The following ATRNL1 variants were observed in gnomAD, a reference collection of about 807,000 sequenced individuals.
The protein encoded by ATRNL1 is attractin-like protein 1.
Under a neutral mutation model 182.7 loss-of-function variants are expected in ATRNL1, and 95 were observed. The ratio of observed to expected loss-of-function variants is 0.52; its 90% confidence interval spans 0.44 to 0.62. The LOEUF (loss-of-function observed/expected upper bound fraction) is 0.62, where lower values mean the gene tolerates loss of function less well. ATRNL1 is among the 20% of genes least tolerant of loss of function. ATRNL1 has a pLI of 0.00. For missense variants in ATRNL1, 1,471 were observed against 1,679.5 expected, an observed-to-expected ratio of 0.88 and a Z score of 2.17; for synonymous variants, 576 against 568.3, an observed-to-expected ratio of 1.01 and a Z score of -0.19.
At chr10:115,473,537 T>G (rs1010272110) in intron 24 of ATRNL1, among the ~76,000 whole-genome samples, 2 of 151,262 alleles carry the variant, frequency 1.3e-5, no homozygotes, top group Non-Finnish European at 3.0e-5. Flanking sequence ...TTGATTTTCT[T>G]TTCTTGTAGT....
intron 25 of ATRNL1, among the ~76,000 whole-genome samples, chr10:115,537,708 T>TTTGTTTGTTTG (rs1208629687): frequency 3.3e-5 from 5 of 152,022 alleles, no homozygotes; most frequent in African/African-American, 9.7e-5. Context: ...TTATTGTTTG[T>TTTGTTTGTTTG]TTTTTACTTC....
chr10:115,270,563 G>A (rs1851817304), intron 13 of ATRNL1, among the ~76,000 whole-genome samples: 1 of 151,738 alleles, frequency 6.6e-6, no homozygotes, highest in Non-Finnish European at 1.5e-5. Flanking sequence ...GAAAGTTGAT[G>A]ATGTAAATTC....
chr10:115,234,399 A>G (rs79185989), intron 9 of ATRNL1, among the ~76,000 whole-genome samples: 7,952 of 152,008 alleles, frequency 0.052, 652 homozygotes, highest in African/African-American at 0.18. Context: ...AGTTGCTTAC[A>G]TGATGCCCTC....
chr10:115,408,035 C>T (rs1203779911), intron 20 of ATRNL1, among the ~76,000 whole-genome samples: 71 of 126,306 alleles, frequency 5.6e-4, no homozygotes, highest in African/African-American at 2.0e-3. Flanking sequence ...CTCGCTCTGT[C>T]GCCCAGGCCG....
intron 27 of ATRNL1, among the ~76,000 whole-genome samples, chr10:115,819,163 T>G (rs910778963): frequency 1.3e-5 from 2 of 152,084 alleles, no homozygotes; most frequent in Admixed American, 6.6e-5. Flanking sequence ...ACACTCCATA[T>G]GCCTGTGATG....
chr10:115,514,995 T>G (rs1850566651), intron 24 of ATRNL1, among the ~76,000 whole-genome samples: 1 of 151,922 alleles, frequency 6.6e-6, no homozygotes, highest in African/African-American at 2.4e-5. Context: ...GGAATAGAGA[T>G]TTGACTGGTT....
intron 19 of ATRNL1, among the ~76,000 whole-genome samples, chr10:115,351,993 C>A (rs1364441186): frequency 6.6e-6 from 1 of 152,088 alleles, no homozygotes; most frequent in East Asian, 1.9e-4. Context: ...TGTTTCATAA[C>A]TTGCTATTGG....
intron 26 of ATRNL1, among the ~76,000 whole-genome samples, chr10:115,565,039 A>G (rs1245214571): frequency 6.6e-6 from 1 of 151,954 alleles, no homozygotes; most frequent in African/African-American, 2.4e-5. Context: ...ATTTATTTCT[A>G]CAGTGGAGCA....
chr10:115,792,623 G>A (rs1555081996), intron 27 of ATRNL1, among the ~76,000 whole-genome samples: 1 of 152,002 alleles, frequency 6.6e-6, no homozygotes, highest in Non-Finnish European at 1.5e-5. Context: ...AAGTTGTGGA[G>A]CAGTAAATTA....
intron 19 of ATRNL1, among the ~76,000 whole-genome samples, chr10:115,355,656 A>G (rs1490180914): frequency 1.3e-5 from 2 of 152,038 alleles, no homozygotes; most frequent in African/African-American, 2.4e-5. Context: ...AAAAATTCCA[A>G]TCCTATATAA....
rs1240605076 is a variant in ATRNL1, at chr10:115,093,370, G to GCGCGGGC, written c.-373_-367dup. ...GCGGCGCTCGGAGCCGAGGCAGTTG[G>GCGCGGGC]CGCGGGCCGCGGGCGAGGCGGGGCC... On this transcript the variant is annotated 5_prime_UTR_variant, in exon 1 of 29. Coordinates refer to ENST00000355044, the MANE Select transcript of ATRNL1 (RefSeq NM_207303.4). The surrounding 1 kb of genome is among the most constrained non-coding windows in gnomAD (Gnocchi z 6.1). 4.3e-5 allele frequency: 7 copies of GCGCGGGC among 162,386 alleles called. No homozygotes were observed. The highest frequency in any genetic ancestry group is 9.1e-5 in the Non-Finnish European group (7 of 76,858). The allele number at this position is 162,386 out of a possible 1,614,324, so 10.1% of individuals were successfully genotyped here. A position where few individuals can be genotyped will look rare whatever the true frequency, so the allele number is the denominator to read the frequency against.
At chr10:115,396,769 C>T (rs961907321) in intron 20 of ATRNL1, among the ~76,000 whole-genome samples, 2 of 151,738 alleles carry the variant, frequency 1.3e-5, no homozygotes, top group African/African-American at 2.4e-5. Context: ...TTCTTTGATA[C>T]AGTATTGCAG....
intron 28 of ATRNL1, among the ~76,000 whole-genome samples, chr10:115,911,514 T>G (rs1454862928): frequency 6.6e-6 from 1 of 152,024 alleles, no homozygotes; most frequent in Non-Finnish European, 1.5e-5. Context: ...AGATAGGATT[T>G]CACCATGTTG....
chr10:115,369,669 T>A (rs556857743), intron 19 of ATRNL1, among the ~76,000 whole-genome samples: 2 of 152,188 alleles, frequency 1.3e-5, no homozygotes, highest in African/African-American at 4.8e-5. Context: ...CATAATGGCC[T>A]TATTAATTTA....
chr10:115,827,206 C>G (rs575157399), intron 27 of ATRNL1, among the ~76,000 whole-genome samples: 1 of 152,058 alleles, frequency 6.6e-6, no homozygotes, highest in African/African-American at 2.4e-5. Flanking sequence ...TCTGAAAGTC[C>G]GACAGCATTG....
At chr10:115,452,568 A>G (rs931132463) in intron 21 of ATRNL1, among the ~76,000 whole-genome samples, 5 of 152,112 alleles carry the variant, frequency 3.3e-5, no homozygotes, top group African/African-American at 1.2e-4. Flanking sequence ...GCATAGAAAA[A>G]CTGTACACAA....
chr10:115,417,490 C>T (rs781892434), intron 20 of ATRNL1, among the ~76,000 whole-genome samples: 3 of 152,166 alleles, frequency 2.0e-5, no homozygotes, highest in Non-Finnish European at 4.4e-5. Context: ...ACCCCCAGCT[C>T]CCCCCACTGT....
chr10:115,105,878 A>T (rs533568619), intron 1 of ATRNL1, among the ~76,000 whole-genome samples: 1 of 152,198 alleles, frequency 6.6e-6, no homozygotes, highest in Non-Finnish European at 1.5e-5. Flanking sequence ...ACTCTCATGG[A>T]GAACCTTTGT....
intron 26 of ATRNL1, among the ~76,000 whole-genome samples, chr10:115,682,298 G>A (rs1555044960): frequency 6.6e-6 from 1 of 152,124 alleles, no homozygotes; most frequent in African/African-American, 2.4e-5. Flanking sequence ...CAGCACTTTG[G>A]GAGGCCAAGG....
Sources: allele counts gnomAD v4.1 joint callset (sites outside exome capture counted in the v4.1 genomes callset), GRCh38; gene constraint gnomAD v4.1.1; non-coding constraint Gnocchi (gnomAD v3.1); transcripts MANE v1.5; gene names NCBI Gene and HGNC (gene_info 2026-07-23, HGNC 2026-07-21).